The following CHODL variants were observed in gnomAD, a reference collection of about 807,000 sequenced individuals.
CHODL encodes the protein transmembrane protein MT75.
In CHODL, 29 loss-of-function variants were observed where a neutral mutation model predicts 34.5. That is an observed-to-expected ratio of 0.84 (90% CI 0.63 to 1.15). The LOEUF (loss-of-function observed/expected upper bound fraction) is 1.15. Ranked by LOEUF, CHODL falls within the 50% of genes most tolerant of loss-of-function variation. The pLI, the probability that CHODL is intolerant of heterozygous loss-of-function variation, is 0.00. For missense variants in CHODL, 332 were observed against 332.5 expected, an observed-to-expected ratio of 1.00 and a Z score of 0.01; for synonymous variants, 125 against 116.1, an observed-to-expected ratio of 1.08 and a Z score of -0.49.
At chr21:18,010,297 CAAAAAAAAAAAAAA>C (rs71189576) in intron 1 of CHODL, among the ~76,000 whole-genome samples, 1 of 38,790 alleles carries the variant, frequency 2.6e-5, no homozygotes, top group African/African-American at 1.0e-4. Flanking sequence ...ACTCCCGTCT[CAAAAAAAAAAAAAA>C]AAAAAAAAAA....
chr21:18,185,810 T>C (rs1191139630), intron 2 of CHODL, among the ~76,000 whole-genome samples: 1 of 152,196 alleles, frequency 6.6e-6, no homozygotes, highest in African/African-American at 2.4e-5. Context: ...TCCTGGTTTG[T>C]AGATGGCTGT....
chr21:18,220,730 TC>T (rs1404206313), intron 2 of CHODL, among the ~76,000 whole-genome samples: 7 of 151,980 alleles, frequency 4.6e-5, no homozygotes, highest in African/African-American at 1.2e-4. Flanking sequence ...GACTATATCA[TC>T]CCATTCTCTT....
At chr21:18,053,909 TATG>T (rs1327754343) in intron 2 of CHODL, among the ~76,000 whole-genome samples, 2 of 149,816 alleles carry the variant, frequency 1.3e-5, no homozygotes, top group Non-Finnish European at 3.0e-5. Context: ...TGATATGACA[TATG>T]ATATATGACA....
At chr21:18,094,052 C>CA (rs939819481) in intron 2 of CHODL, among the ~76,000 whole-genome samples, 3 of 151,588 alleles carry the variant, frequency 2.0e-5, no homozygotes, top group African/African-American at 4.8e-5. Context: ...CCAATGGAAA[C>CA]AAAAAAAGCA....
chr21:18,135,498 C>T (rs1461052361), intron 2 of CHODL, among the ~76,000 whole-genome samples: 1 of 152,176 alleles, frequency 6.6e-6, no homozygotes, highest in Non-Finnish European at 1.5e-5. Flanking sequence ...AATCCACAGA[C>T]TGCCATATTT....
At chr21:18,225,069 A>G (rs2073919033) in intron 2 of CHODL, among the ~76,000 whole-genome samples, 1 of 152,154 alleles carries the variant, frequency 6.6e-6, no homozygotes. Context: ...TTCATAAGAA[A>G]GTTTGAATGG....
Position 18,188,530 on chromosome 21 carries a change from G to A in CHODL, c.-44-67979G>A, listed in dbSNP as rs79148749. Among the ~76,000 whole-genome samples the A allele has an allele frequency of 9.2e-5, 14 of 152,250 alleles. No homozygotes were observed. In the East Asian group the frequency reaches 2.1e-3, roughly 23 times the overall value. Reference sequence around the variant, plus strand: ...ATAGAAATCTTTATTGATGATTAACGAAAGATAAAAGAAGGAAGTAGTGCT... The same window carrying A: ...ATAGAAATCTTTATTGATGATTAACAAAAGATAAAAGAAGGAAGTAGTGCT... On this transcript the variant is annotated intron_variant, in intron 2 of 6. Coordinates refer to the CHODL transcript ENST00000400127.
intron 2 of CHODL, among the ~76,000 whole-genome samples, chr21:18,091,218 C>T (rs2065069385): frequency 1.3e-5 from 2 of 152,360 alleles, no homozygotes; most frequent in South Asian, 2.1e-4. Context: ...CTCAGCAAGC[C>T]TTGGCACCAT....
intron 1 of CHODL, among the ~76,000 whole-genome samples, chr21:17,980,450 A>G (rs561583063): frequency 2.6e-5 from 4 of 152,318 alleles, no homozygotes; most frequent in African/African-American, 7.2e-5. Flanking sequence ...GACTGGACTA[A>G]TATTTTCATC....
chr21:18,182,535 G>C (rs1292448204), intron 2 of CHODL, among the ~76,000 whole-genome samples: 3 of 152,046 alleles, frequency 2.0e-5, no homozygotes, highest in Non-Finnish European at 4.4e-5. Context: ...TCTCAATAAA[G>C]CTGGAAAAAA....
chr21:18,002,639 C>G (rs576586976), intron 1 of CHODL, among the ~76,000 whole-genome samples: 8 of 152,244 alleles, frequency 5.3e-5, no homozygotes, highest in African/African-American at 1.9e-4. Context: ...GAGTACATAT[C>G]TCCACCTTAG....
At chr21:18,078,353 G>A (rs573324401) in intron 2 of CHODL, among the ~76,000 whole-genome samples, 37 of 152,158 alleles carry the variant, frequency 2.4e-4, no homozygotes, top group African/African-American at 7.0e-4. Flanking sequence ...CTTGTGAGAC[G>A]TATTCACTAT....
chr21:18,182,313 G>A (rs1423088842), intron 2 of CHODL, among the ~76,000 whole-genome samples: 1 of 152,294 alleles, frequency 6.6e-6, no homozygotes, highest in Admixed American at 6.5e-5. Context: ...TAAAGTGAAG[G>A]CAGAAGTCAG....
chr21:18,139,676 A>C (rs998437655), intron 2 of CHODL, among the ~76,000 whole-genome samples: 2 of 152,190 alleles, frequency 1.3e-5, no homozygotes, highest in African/African-American at 4.8e-5. Flanking sequence ...GAGCTAAATA[A>C]AACAACATGG....
Position 17,924,429 on chromosome 21 carries a change from A to T in CHODL, c.-145+7029A>T, listed in dbSNP as rs184823521. On this transcript the variant is annotated intron_variant, in intron 1 of 6. Coordinates refer to the CHODL transcript ENST00000400127. Reference sequence around the variant, plus strand: ...AGAATCAGCCTTGGAGACCGGAGAGAAATGATGTGAGATCACAACTGTGTC... The same window carrying T: ...AGAATCAGCCTTGGAGACCGGAGAGTAATGATGTGAGATCACAACTGTGTC... Among the ~76,000 whole-genome samples the T allele has an allele frequency of 1.6e-4, 25 of 152,226 alleles. No homozygotes were observed. The East Asian group carries it at 4.3e-3, about 26-fold the overall frequency.
intron 2 of CHODL, among the ~76,000 whole-genome samples, chr21:18,185,607 C>T (rs1401025090): frequency 6.6e-6 from 1 of 152,168 alleles, no homozygotes; most frequent in African/African-American, 2.4e-5. Flanking sequence ...CCTTCAGTTG[C>T]ACAGTACAAG....
chr21:18,163,799 A>T (rs10211959), intron 2 of CHODL, among the ~76,000 whole-genome samples: 5,075 of 151,204 alleles, frequency 0.034, 273 homozygotes, highest in African/African-American at 0.11. Flanking sequence ...TTTCTGTGTT[A>T]AAAAAAAGGC....
chr21:18,037,037 A>T (rs574844518), intron 2 of CHODL, among the ~76,000 whole-genome samples: 1 of 151,974 alleles, frequency 6.6e-6, no homozygotes, highest in Non-Finnish European at 1.5e-5. Flanking sequence ...CAATAAAGGT[A>T]TGAAGAATTC....
intron 1 of CHODL, among the ~76,000 whole-genome samples, chr21:17,954,265 T>C (rs1329389296): frequency 2.0e-5 from 3 of 152,072 alleles, no homozygotes; most frequent in Non-Finnish European, 2.9e-5. Context: ...AAATACACGA[T>C]GTAAAAGGTG....
Sources: allele counts gnomAD v4.1 joint callset (sites outside exome capture counted in the v4.1 genomes callset), GRCh38; gene constraint gnomAD v4.1.1; transcripts MANE v1.5; gene names NCBI Gene and HGNC (gene_info 2026-07-23, HGNC 2026-07-21).